USH2A: variants seen among roughly 807,000 people sequenced by gnomAD.
USH2A encodes Usher syndrome 2A (autosomal recessive, mild).
In USH2A, 443 loss-of-function variants were observed where a neutral mutation model predicts 538.9. The observed-to-expected ratio is 0.82, with a 90% CI of 0.76 to 0.89. The LOEUF (loss-of-function observed/expected upper bound fraction) is 0.89, where lower values mean the gene tolerates loss of function less well. USH2A is among the 40% of genes least tolerant of loss of function. The pLI, the probability that USH2A is intolerant of heterozygous loss-of-function variation, is 0.00. For synonymous variants in USH2A, 2,413 were observed against 2,273.5 expected (o/e 1.06, Z -1.75); for missense variants, 6,633 against 6,324.8 (o/e 1.05, Z -1.65).
At chr1:215,626,343 T>C (rs141469511) in intron 71 of USH2A, among the ~76,000 whole-genome samples, 2,303 of 150,784 alleles carry the variant, frequency 0.015, 56 homozygotes, top group African/African-American at 0.052. Flanking sequence ...ATAGTATTTT[T>C]AGTAGAGATG....
intron 56 of USH2A, among the ~76,000 whole-genome samples, chr1:215,763,473 G>A (rs891921109): frequency 1.9e-4 from 29 of 151,578 alleles, no homozygotes; most frequent in Non-Finnish European, 4.1e-4. Context: ...TTCAGGCTGA[G>A]GGGAACCCAC....
At chr1:215,866,568 C>G (rs560743175) in intron 44 of USH2A, among the ~76,000 whole-genome samples, 1 of 152,032 alleles carries the variant, frequency 6.6e-6, no homozygotes, top group African/African-American at 2.4e-5. Flanking sequence ...TGCTAATGAG[C>G]GACGAGTTAC....
intron 40 of USH2A, among the ~76,000 whole-genome samples, chr1:215,892,357 T>C (rs1451322953): frequency 6.6e-6 from 1 of 152,150 alleles, no homozygotes; most frequent in Non-Finnish European, 1.5e-5. Flanking sequence ...TCGCTCAGTT[T>C]AAAAACTCTT....
chr1:216,361,893 G>T (rs1266272150), intron 4 of USH2A, among the ~76,000 whole-genome samples: 1 of 152,128 alleles, frequency 6.6e-6, no homozygotes, highest in African/African-American at 2.4e-5. Flanking sequence ...CCTACTTCAT[G>T]ATTTTATTTG....
chr1:216,215,358 G>A (rs2035323057), intron 15 of USH2A, among the ~76,000 whole-genome samples: 2 of 152,124 alleles, frequency 1.3e-5, no homozygotes, highest in African/African-American at 4.8e-5. Flanking sequence ...GTCAGCAATA[G>A]ATAGCACTAC....
intron 44 of USH2A, among the ~76,000 whole-genome samples, chr1:215,864,866 A>C (rs913381410): frequency 6.6e-6 from 1 of 152,182 alleles, no homozygotes; most frequent in African/African-American, 2.4e-5. Context: ...TGTGATTGAT[A>C]AAAATTTACC....
At chr1:215,788,549 C>G (rs1490287551) in intron 51 of USH2A, among the ~76,000 whole-genome samples, 1 of 152,040 alleles carries the variant, frequency 6.6e-6, no homozygotes, top group African/African-American at 2.4e-5. Context: ...TAAATGCTCT[C>G]ATCACAAAAA....
intron 22 of USH2A, among the ~76,000 whole-genome samples, chr1:216,090,774 GGA>G (rs2032281396): frequency 1.3e-5 from 2 of 152,012 alleles, no homozygotes; most frequent in Non-Finnish European, 2.9e-5. Flanking sequence ...AATACTAATG[GGA>G]TTACTAGCAT....
At chr1:216,197,278 C>G (rs1444382072) in intron 18 of USH2A, among the ~76,000 whole-genome samples, 1 of 152,104 alleles carries the variant, frequency 6.6e-6, no homozygotes, top group Non-Finnish European at 1.5e-5. Flanking sequence ...TCCCTTTCCC[C>G]CCTGCCACTC....
At chr1:215,648,903 G>A (rs1656952453) in intron 65 of USH2A, 137 bp from the exon 66 acceptor site, 1 of 860,508 alleles carries the variant, frequency 1.2e-6, no homozygotes, top group Non-Finnish European at 2.0e-6. Context: ...CATTTAGCAT[G>A]ACATTTATCC....
chr1:216,186,771 A>T (rs2034613947), intron 20 of USH2A, among the ~76,000 whole-genome samples: 1 of 151,718 alleles, frequency 6.6e-6, no homozygotes, highest in South Asian at 2.1e-4. Context: ...TTCTTTGTTC[A>T]TCTTTCCCCT....
intron 32 of USH2A, among the ~76,000 whole-genome samples, chr1:216,023,880 G>A (rs2102504273): frequency 6.6e-6 from 1 of 152,026 alleles, no homozygotes; most frequent in Non-Finnish European, 1.5e-5. Context: ...TGCACATAGT[G>A]AAAAATTAAA....
At chr1:216,334,770 A>G (rs1447146254) in intron 4 of USH2A, among the ~76,000 whole-genome samples, 1 of 151,922 alleles carries the variant, frequency 6.6e-6, no homozygotes, top group Non-Finnish European at 1.5e-5. Context: ...AAAATAAAAC[A>G]ATTATAATCA....
chr1:215,861,294 A>G (rs1409425015), intron 44 of USH2A, among the ~76,000 whole-genome samples: 1 of 152,338 alleles, frequency 6.6e-6, no homozygotes, highest in Non-Finnish European at 1.5e-5. Context: ...ATTATTCATC[A>G]TTTTATATTT....
intron 9 of USH2A, among the ~76,000 whole-genome samples, chr1:216,293,913 C>T (rs2037054292): frequency 6.6e-6 from 1 of 152,176 alleles, no homozygotes; most frequent in Non-Finnish European, 1.5e-5. Context: ...TAATTACTCA[C>T]AGTAATATTC....
At chr1:216,254,768 C>CTAAT (rs756774155) in intron 11 of USH2A, among the ~76,000 whole-genome samples, 29 of 152,132 alleles carry the variant, frequency 1.9e-4, no homozygotes, top group Admixed American at 1.3e-4. Flanking sequence ...GACCAGCTAG[C>CTAAT]TAATCACAGA....
At chr1:216,296,803 G>A (rs754060485) in intron 9 of USH2A, among the ~76,000 whole-genome samples, 1 of 151,952 alleles carries the variant, frequency 6.6e-6, no homozygotes, top group Non-Finnish European at 1.5e-5. Flanking sequence ...TGGGGAAATT[G>A]ACCTCTTTAC....
Position 215,887,591 on chromosome 1 carries a change from G to C in USH2A, c.8223+835C>G, listed in dbSNP as rs113748349. On this transcript the variant is annotated intron_variant, in intron 41 of 71. Coordinates refer to ENST00000307340, the MANE Select transcript of USH2A (RefSeq NM_206933.4). ...AAACTAACAAAGACTTTTAAAAATA[G>C]CTTTTAATTTGTAGGTTAAATTAAA... Among the ~76,000 whole-genome samples, 310 of 152,240 alleles carry C rather than the reference G, an allele frequency of 2.0e-3. 3 individuals are homozygous for C. The highest frequency in any genetic ancestry group is 5.9e-3 in the African/African-American group (245 of 41,554).
At chr1:215,699,428 T>C (rs901409190) in intron 61 of USH2A, among the ~76,000 whole-genome samples, 2 of 152,220 alleles carry the variant, frequency 1.3e-5, no homozygotes, top group Non-Finnish European at 2.9e-5. Context: ...ATTTTCAGGA[T>C]ATTGATTCTT....
Sources: gnomAD v4.1 joint callset for allele counts (sites outside exome capture counted in the v4.1 genomes callset) on GRCh38, gnomAD v4.1.1 for gene constraint, MANE v1.5 for transcripts, NCBI Gene and HGNC (gene_info 2026-07-23, HGNC 2026-07-21) for gene names.